The following SGCZ variants were observed in gnomAD, a reference collection of about 807,000 sequenced individuals.
The protein encoded by SGCZ is zeta-sarcoglycan.
A neutral mutation model predicts 41.3 loss-of-function variants in SGCZ; 40 were observed. The observed-to-expected ratio is 0.97, with a 90% CI of 0.75 to 1.26. The LOEUF is 1.26. Among genes scored for constraint, SGCZ ranks in the 50% most tolerant of loss-of-function variants. The probability of loss-of-function intolerance (pLI) is 0.00; values close to 1 mark genes in which losing one functional copy is unlikely to be tolerated. For synonymous variants in SGCZ, 206 were observed against 137.5 expected, an observed-to-expected ratio of 1.50 and a Z score of -3.49; for missense variants, 552 against 369.8, an observed-to-expected ratio of 1.49 and a Z score of -4.04.
chr8:14,247,675 A>C (rs1286652812), intron 3 of SGCZ, among the ~76,000 whole-genome samples: 2 of 152,108 alleles, frequency 1.3e-5, no homozygotes, highest in Non-Finnish European at 2.9e-5. Context: ...TCCTCTTAGC[A>C]CTTCTATGTT....
chr8:14,136,510 G>C (rs1803203526), intron 5 of SGCZ, among the ~76,000 whole-genome samples: 2 of 152,164 alleles, frequency 1.3e-5, no homozygotes, highest in Admixed American at 1.3e-4. Flanking sequence ...CCCACACCTG[G>C]CTCAGTGAGT....
At chr8:14,637,914 T>G (rs972186264) in intron 1 of SGCZ, among the ~76,000 whole-genome samples, 32 of 151,916 alleles carry the variant, frequency 2.1e-4, no homozygotes, top group Non-Finnish European at 3.4e-4. Context: ...TCACAGGGGC[T>G]AATTTACATT....
intron 4 of SGCZ, among the ~76,000 whole-genome samples, chr8:14,222,294 C>A (rs1011844415): frequency 1.2e-4 from 18 of 151,962 alleles, no homozygotes; most frequent in African/African-American, 3.9e-4. Context: ...CTCAGCCTCC[C>A]GAGTAGCTGG....
At position 14,519,342 on chromosome 8, in the gene SGCZ, C is replaced by T. The variant is rs374684946; in HGVS notation, c.234+35390G>A. On this transcript the variant is annotated intron_variant, in intron 2 of 7. Coordinates refer to ENST00000382080, the MANE Select transcript of SGCZ (RefSeq NM_139167.4). ...AGAAGTGATAAAATACATGCCATAC[C>T]AGCAACTAAAATAAAACTTTGTAAT... Among the ~76,000 whole-genome samples, 37 of 151,966 alleles carry T rather than the reference C, an allele frequency of 2.4e-4. No homozygotes were observed. In the South Asian group the frequency reaches 5.2e-3, roughly 21 times the overall value.
chr8:14,209,460 C>G lies in SGCZ; in HGVS notation c.424+28132G>C, dbSNP rs1350527973. On this transcript the variant is annotated intron_variant, in intron 4 of 7. Transcript: ENST00000382080. ...GTATATACCCCAGACAACAATGCTG[C>G]TTCGCTTATGATAATTACAGATCAG... Among the ~76,000 whole-genome samples, 4 of 152,084 alleles carry G rather than the reference C, an allele frequency of 2.6e-5. No homozygotes were observed. The East Asian group carries it at 7.7e-4, about 29-fold the overall frequency.
intron 1 of SGCZ, among the ~76,000 whole-genome samples, chr8:14,610,603 G>A (rs1805896211): frequency 6.6e-6 from 1 of 152,070 alleles, no homozygotes. Flanking sequence ...AATTCTCAGA[G>A]TCAGCTTGCA....
chr8:14,108,270 C>A lies in SGCZ; in HGVS notation c.548-35G>T, dbSNP rs142257579. 7.6e-6 allele frequency: 12 copies of A among 1,580,726 alleles called. No homozygotes were observed. In the South Asian group the frequency reaches 1.3e-4, roughly 18 times the overall value. On this transcript the variant is annotated intron_variant, in intron 5 of 7. Transcript: ENST00000382080. ...GCATGAATATAGCAGTCAGTATAAG[C>A]AAGTCCACACAGTGGCTTTCATCTC...
intron 2 of SGCZ, among the ~76,000 whole-genome samples, chr8:14,389,221 T>C (rs1298116262): frequency 3.9e-5 from 6 of 152,006 alleles, no homozygotes; most frequent in Admixed American, 3.3e-4. Context: ...CATATTAATA[T>C]AAATGAAAAG....
intron 1 of SGCZ, among the ~76,000 whole-genome samples, chr8:15,172,791 T>C (rs1055836381): frequency 1.3e-5 from 2 of 152,178 alleles, no homozygotes; most frequent in East Asian, 3.9e-4. Flanking sequence ...CAAAAGTAGA[T>C]ACTTTAAAAA....
Position 15,124,958 on chromosome 8 carries a change from A to G in SGCZ, c.39+112627T>C, listed in dbSNP as rs773283606. On this transcript the variant is annotated intron_variant, in intron 1 of 7. Transcript: ENST00000382080. ...TTATGGCTATGAATTATGAAAAAAA[A>G]CAATATGGGTATAAAAGTAGAGGAA... 2.0e-5 allele frequency among the ~76,000 whole-genome samples: 3 copies of G among 152,228 alleles called. No individual in the cohort carries two copies. The South Asian group carries it at 6.2e-4, about 32-fold the overall frequency.
At chr8:14,541,909 G>A (rs565169329) in intron 2 of SGCZ, among the ~76,000 whole-genome samples, 90 of 152,080 alleles carry the variant, frequency 5.9e-4, no homozygotes, top group African/African-American at 2.0e-3. Flanking sequence ...CCATATGTTT[G>A]TTGGCCACAA....
In SGCZ at chr8:14,090,235, T is replaced by C. The variant is rs1368423259; in HGVS notation, c.*208A>G. On this transcript the variant is annotated 3_prime_UTR_variant, in exon 8 of 8. Coordinates refer to ENST00000382080, the MANE Select transcript of SGCZ (RefSeq NM_139167.4). ...TCCAGTTTTCCTGCTGACGACGCTT[T>C]TTCCACTGCTGTGTCAATCACACCC... 9.3e-6 allele frequency: 4 copies of C among 428,816 alleles called. No homozygotes were observed. Among genetic ancestry groups the C allele is most frequent in the African/African-American group, 2.0e-5 (1 of 49,602 alleles). 26.6% of individuals were successfully genotyped at this position (428,816 alleles called of 1,614,324 possible).
At chr8:14,245,640 C>T (rs1382309503) in intron 3 of SGCZ, among the ~76,000 whole-genome samples, 1 of 151,984 alleles carries the variant, frequency 6.6e-6, no homozygotes, top group South Asian at 2.1e-4. Flanking sequence ...AAAGAAACTA[C>T]CATCAGCGTG....
intron 1 of SGCZ, among the ~76,000 whole-genome samples, chr8:14,805,628 A>T (rs1425268589): frequency 6.8e-6 from 1 of 146,136 alleles, no homozygotes; most frequent in Non-Finnish European, 1.5e-5. Context: ...CACATTAATA[A>T]TGGGAGACTT....
intron 1 of SGCZ, among the ~76,000 whole-genome samples, chr8:14,913,426 C>T (rs191038260): frequency 4.3e-4 from 66 of 152,088 alleles, no homozygotes; most frequent in African/African-American, 1.5e-3. Context: ...ATTCACTATT[C>T]ATTTTTCCAT....
At chr8:14,991,465 A>C (rs1269823366) in intron 1 of SGCZ, among the ~76,000 whole-genome samples, 2 of 152,110 alleles carry the variant, frequency 1.3e-5, no homozygotes, top group African/African-American at 4.8e-5. Flanking sequence ...CATATACCTA[A>C]ATTCTAGGGC....
At chr8:14,411,400 G>A (rs1799356890) in intron 2 of SGCZ, among the ~76,000 whole-genome samples, 1 of 152,084 alleles carries the variant, frequency 6.6e-6, no homozygotes, top group Non-Finnish European at 1.5e-5. Flanking sequence ...TTAAGGTCAT[G>A]CCTACTTCAA....
At chr8:14,510,327 G>T (rs992297134) in intron 2 of SGCZ, among the ~76,000 whole-genome samples, 8 of 151,904 alleles carry the variant, frequency 5.3e-5, no homozygotes, top group African/African-American at 1.9e-4. Flanking sequence ...AGCTAGATAG[G>T]TTCTCACATT....
chr8:14,698,889 T>C lies in SGCZ; in HGVS notation c.40-143963A>G, dbSNP rs117894773. On this transcript the variant is annotated intron_variant, in intron 1 of 7. Transcript: ENST00000382080. ...ATCCACTATGGGGTAGAAAGGTAGATCAAATATCTGGGTAATCGTGAAAAC... is the reference window on the plus strand; with the variant it reads ...ATCCACTATGGGGTAGAAAGGTAGACCAAATATCTGGGTAATCGTGAAAAC... Among the ~76,000 whole-genome samples the C allele has an allele frequency of 4.0e-4, 61 of 151,998 alleles. No individual in the cohort carries two copies. The East Asian group carries it at 0.011, about 27-fold the overall frequency.
Sources: gnomAD v4.1 joint callset for allele counts (sites outside exome capture counted in the v4.1 genomes callset) on GRCh38, gnomAD v4.1.1 for gene constraint, MANE v1.5 for transcripts, NCBI Gene and HGNC (gene_info 2026-07-23, HGNC 2026-07-21) for gene names.